The following MCPH1 variants were observed in gnomAD, a reference collection of about 807,000 sequenced individuals.
MCPH1 encodes the protein microcephalin.
In MCPH1, 104 loss-of-function variants were observed where a neutral mutation model predicts 84.5. The observed-to-expected ratio is 1.23, with a 90% CI of 1.05 to 1.45. The LOEUF (loss-of-function observed/expected upper bound fraction) is 1.45, where lower values mean the gene tolerates loss of function less well. Ranked by LOEUF, MCPH1 falls within the 40% of genes most tolerant of loss-of-function variation. MCPH1 has a pLI of 0.00. For missense variants in MCPH1, 1,498 were observed against 1,005.7 expected, an observed-to-expected ratio of 1.49 and a Z score of -6.62; for synonymous variants, 514 against 366.8, an observed-to-expected ratio of 1.40 and a Z score of -4.58.
intron 13 of MCPH1, among the ~76,000 whole-genome samples, chr8:6,623,296 G>A (rs1333400601): frequency 6.6e-6 from 1 of 151,940 alleles, no homozygotes; most frequent in African/African-American, 2.4e-5. Flanking sequence ...TCTAGTTTCA[G>A]CCCCTGGGGC....
intron 12 of MCPH1, among the ~76,000 whole-genome samples, chr8:6,544,185 T>G (rs568390101): frequency 1.3e-5 from 2 of 152,352 alleles, no homozygotes; most frequent in South Asian, 4.2e-4. Context: ...CGAATCAACA[T>G]ATTTACCATT....
chr8:6,505,330 TATAGAAAGA>T (rs1369383302), intron 12 of MCPH1, among the ~76,000 whole-genome samples: 13 of 57,466 alleles, frequency 2.3e-4, no homozygotes, highest in African/African-American at 1.3e-3. Context: ...GTTATATACA[TATAGAAAGA>T]ATATATATAT....
At chr8:6,507,262 A>G (rs1172597367) in intron 12 of MCPH1, among the ~76,000 whole-genome samples, 3 of 152,148 alleles carry the variant, frequency 2.0e-5, no homozygotes, top group Non-Finnish European at 4.4e-5. Flanking sequence ...TAATGTAGTA[A>G]CTTTCATTTA....
intron 12 of MCPH1, among the ~76,000 whole-genome samples, chr8:6,527,138 C>G (rs1455727101): frequency 1.3e-5 from 2 of 152,164 alleles, no homozygotes; most frequent in East Asian, 1.9e-4. Context: ...GTGGTTCTTT[C>G]ACTCCACAGC....
In MCPH1 at chr8:6,601,522, G is replaced by GACACACACAC. The variant is rs144757663; in HGVS notation, c.2215-19917_2215-19908dup. On this transcript the variant is annotated intron_variant, in intron 12 of 13. Coordinates refer to ENST00000344683, the MANE Select transcript of MCPH1 (RefSeq NM_024596.5). ...CCCCTACCTGTCCTCCATCATATGG[G>GACACACACAC]ACACACACACACACACACACACACC... Among the ~76,000 whole-genome samples the GACACACACAC allele has an allele frequency of 9.2e-3, 1,325 of 144,030 alleles. 18 individuals carry two copies. Among genetic ancestry groups the GACACACACAC allele is most frequent in the Non-Finnish European group, 0.016 (1,033 of 66,436 alleles). 94.5% of individuals were successfully genotyped at this position (144,030 alleles called of 152,430 possible).
At chr8:6,483,861 GAAA>G in intron 11 of MCPH1, among the ~76,000 whole-genome samples, 1 of 114,162 alleles carries the variant, frequency 8.8e-6, no homozygotes, top group African/African-American at 2.9e-5. Context: ...CCCTGTCAAA[GAAA>G]AGAAAAGAAA....
intron 8 of MCPH1, among the ~76,000 whole-genome samples, chr8:6,452,503 C>T (rs1422377421): frequency 1.3e-5 from 2 of 152,218 alleles, no homozygotes; most frequent in Non-Finnish European, 2.9e-5. Context: ...AGATATATGG[C>T]TTTCACAGGG....
intron 12 of MCPH1, chr8:6,513,650 T>G: frequency 3.8e-6 from 6 of 1,585,018 alleles, no homozygotes; most frequent in Non-Finnish European, 5.1e-6. Flanking sequence ...TTTTAATTTT[T>G]TCTTTCAATT....
chr8:6,586,399 G>A (rs972837777), intron 12 of MCPH1, among the ~76,000 whole-genome samples: 4 of 152,196 alleles, frequency 2.6e-5, no homozygotes, highest in Non-Finnish European at 5.9e-5. Context: ...CTGGTCCCCA[G>A]GGTCCGCGCT....
intron 11 of MCPH1, among the ~76,000 whole-genome samples, chr8:6,485,161 C>T (rs990683328): frequency 6.6e-6 from 1 of 151,972 alleles, no homozygotes; most frequent in Admixed American, 6.6e-5. Flanking sequence ...TCCGTCTCTA[C>T]TAAAAATAGA....
At position 6,621,472 on chromosome 8, in the gene MCPH1, C is replaced by T. The variant is rs537341508; in HGVS notation, c.2233C>T (p.His745Tyr). 8.7e-6 allele frequency: 14 copies of T among 1,614,084 alleles called. No individual in the cohort carries two copies. The African/African-American group carries it at 1.7e-4, about 20-fold the overall frequency. The change falls in exon 13 of 14, where the codon CAC becomes TAC. Residue 745 changes from histidine (H) to tyrosine (Y), a missense_variant. Physicochemically the swap from His to Tyr is moderately conservative, Grantham distance 83. Coordinates refer to ENST00000344683, the MANE Select transcript of MCPH1 (RefSeq NM_024596.5). ...PAAPLCRSEC[H>Y]LSAGPYRGTL... is the part of the protein sequence containing the mutation. ...CCCACAGCTGTGCCGAAGCGAGTGC[C>T]ACTTGTCTGCAGGGCCGTACCGCGG...
chr8:6,474,517 G>T (rs1193576463), intron 9 of MCPH1, among the ~76,000 whole-genome samples: 2 of 152,062 alleles, frequency 1.3e-5, no homozygotes, highest in African/African-American at 4.8e-5. Flanking sequence ...GCAAGACCCT[G>T]TCTCTCAAAA....
chr8:6,586,258 G>C (rs1250119907), intron 12 of MCPH1, among the ~76,000 whole-genome samples: 1 of 152,142 alleles, frequency 6.6e-6, no homozygotes, highest in East Asian at 1.9e-4. Context: ...ACCATGCCCA[G>C]CTCATCCTTC....
intron 12 of MCPH1, among the ~76,000 whole-genome samples, chr8:6,505,378 ATTCT>A (rs1176082245): frequency 1.2e-5 from 1 of 80,628 alleles, no homozygotes; most frequent in Non-Finnish European, 2.5e-5. Flanking sequence ...GAATATATAT[ATTCT>A]TTCTATATGT....
chr8:6,609,311 G>C (rs977179443), intron 12 of MCPH1, among the ~76,000 whole-genome samples: 3 of 152,162 alleles, frequency 2.0e-5, no homozygotes, highest in African/African-American at 7.2e-5. Flanking sequence ...GCCCACTATC[G>C]GGGACAGAAA....
At chr8:6,509,767 C>T (rs1417963246) in intron 12 of MCPH1, among the ~76,000 whole-genome samples, 1 of 152,146 alleles carries the variant, frequency 6.6e-6, no homozygotes, top group African/African-American at 2.4e-5. Flanking sequence ...TTTGGAGCAT[C>T]ATAGCTTAGC....
At chr8:6,467,193 A>G (rs907059155) in intron 9 of MCPH1, among the ~76,000 whole-genome samples, 3 of 152,224 alleles carry the variant, frequency 2.0e-5, no homozygotes, top group Admixed American at 2.0e-4. Context: ...TTATATATCA[A>G]TAGTGAGTCT....
intron 13 of MCPH1, among the ~76,000 whole-genome samples, chr8:6,641,280 T>C (rs1797918052): frequency 6.6e-6 from 1 of 151,388 alleles, no homozygotes; most frequent in African/African-American, 2.4e-5. Flanking sequence ...ATCCATAGAG[T>C]TTTTACAACC....
chr8:6,438,821 G>C (rs1803054298), intron 5 of MCPH1, 132 bp from the exon 6 acceptor site: 3 of 753,648 alleles, frequency 4.0e-6, no homozygotes, highest in African/African-American at 3.4e-5. Flanking sequence ...TAGAATATTA[G>C]CAGGAGTAGG....
Sources: gnomAD v4.1 joint callset for allele counts (sites outside exome capture counted in the v4.1 genomes callset) on GRCh38, gnomAD v4.1.1 for gene constraint, MANE v1.5 for transcripts, NCBI Gene and HGNC (gene_info 2026-07-23, HGNC 2026-07-21) for gene names.